The following PIP5K1C variants were observed in gnomAD, a reference collection of about 807,000 sequenced individuals.
PIP5K1C encodes the protein phosphatidylinositol-4-phosphate 5-kinase type 1 gamma.
A neutral mutation model predicts 80.1 loss-of-function variants in PIP5K1C; 45 were observed. That is an observed-to-expected ratio of 0.56 (90% CI 0.44 to 0.72). The LOEUF is 0.72. PIP5K1C is among the 30% of genes least tolerant of loss of function. The probability of loss-of-function intolerance (pLI) is 0.00; values close to 1 mark genes in which losing one functional copy is unlikely to be tolerated. For missense variants in PIP5K1C, 753 were observed against 954.6 expected (o/e 0.79, Z 2.78); for synonymous variants, 498 against 420.1 (o/e 1.19, Z -2.27).
intron 6 of PIP5K1C, among the ~76,000 whole-genome samples, chr19:3,655,446 G>A (rs2034590450): frequency 1.3e-5 from 2 of 152,324 alleles, no homozygotes; most frequent in African/African-American, 4.8e-5. Context: ...TAAAAAAGTG[G>A]AGAAATAGAA....
chr19:3,638,198 G>C lies in PIP5K1C; in HGVS notation c.1920+686C>G, dbSNP rs1599923491. ...CTGCCTGATCTGAGTGGGACCACTG[G>C]GGAGTGGAGACGCTGCCTGGACATT... On this transcript the variant is annotated intron_variant, in intron 16 of 17. Transcript: ENST00000335312. 3.3e-5 allele frequency among the ~76,000 whole-genome samples: 5 copies of C among 152,182 alleles called. No individual in the cohort carries two copies. The South Asian group carries it at 8.3e-4, about 25-fold the overall frequency.
At position 3,631,800 on chromosome 19, in the gene PIP5K1C, A is replaced by T. The variant is rs2033479946; in HGVS notation, c.*1367T>A. 6.6e-6 allele frequency: 1 copy of T among 152,218 alleles called. No individual in the cohort carries two copies. The highest frequency in any genetic ancestry group is 2.1e-4 in the South Asian group (1 of 4,836). 9.4% of individuals were successfully genotyped at this position (152,218 alleles called of 1,614,324 possible). On this transcript the variant is annotated 3_prime_UTR_variant, in exon 18 of 18. Transcript: ENST00000335312. ...GACAAAACACAGAGCCCTGCCTGGG[A>T]GGTTCTCCGGCCGTCTCAGACCCCA...
intron 16 of PIP5K1C, among the ~76,000 whole-genome samples, chr19:3,634,434 C>T (rs1043541641): frequency 9.9e-5 from 15 of 152,178 alleles, no homozygotes; most frequent in African/African-American, 2.4e-4. Flanking sequence ...ACGCCCCTCC[C>T]GGCACAGATG....
At chr19:3,645,373 G>A (rs1234464752) in intron 11 of PIP5K1C, among the ~76,000 whole-genome samples, 3 of 152,218 alleles carry the variant, frequency 2.0e-5, no homozygotes, top group Admixed American at 2.0e-4. Context: ...GTCTGCACAG[G>A]GGCCTGGAAC....
chr19:3,684,265 T>C (rs914022399), intron 1 of PIP5K1C, among the ~76,000 whole-genome samples: 1 of 152,122 alleles, frequency 6.6e-6, no homozygotes, highest in African/African-American at 2.4e-5. Flanking sequence ...GATGAGCTCA[T>C]TGCCGCCCCC....
At chr19:3,652,222 G>A (rs751717523) in intron 7 of PIP5K1C, among the ~76,000 whole-genome samples, 191 bp from the exon 8 acceptor site, 8 of 152,226 alleles carry the variant, frequency 5.3e-5, no homozygotes, top group South Asian at 2.1e-4. Context: ...GTCACACAGC[G>A]GCATCAGAGC....
intron 2 of PIP5K1C, among the ~76,000 whole-genome samples, chr19:3,666,446 T>A (rs1369354304): frequency 1.3e-5 from 2 of 152,212 alleles, no homozygotes; most frequent in East Asian, 3.9e-4. Context: ...ACAGGACCCA[T>A]GTACATGCAG....
chr19:3,647,453 G>A, intron 9 of PIP5K1C, 67 bp from the exon 10 acceptor site: 1 of 1,332,926 alleles, frequency 7.5e-7, no homozygotes, highest in Admixed American at 2.0e-5. Context: ...CCTCACTCAG[G>A]GGCCACTGTG....
chr19:3,667,721 C>A (rs529221421), intron 1 of PIP5K1C, among the ~76,000 whole-genome samples: 1 of 152,312 alleles, frequency 6.6e-6, no homozygotes, highest in East Asian at 1.9e-4. Context: ...CAAACCTCCC[C>A]CGGCTCTGAC....
rs754039027 is a variant in PIP5K1C, at chr19:3,633,141, G to A, written c.*26C>T. ...GCAGCCGGAGCAGAAGTGGAGCTCG[G>A]CTCTGGGTCGGGGGCTGCATAGAAA... On this transcript the variant is annotated 3_prime_UTR_variant, in exon 18 of 18. Transcript: ENST00000335312. The A allele has an allele frequency of 2.5e-5, 19 of 761,544 alleles. No individual in the cohort carries two copies. Among genetic ancestry groups the A allele is most frequent in the Non-Finnish European group, 1.7e-5 (7 of 409,628 alleles). The allele number at this position is 761,544 out of a possible 1,614,324, so 47.2% of individuals were successfully genotyped here.
chr19:3,643,123 CACCGT>C, intron 13 of PIP5K1C, 115 bp downstream of exon 13: 2 of 1,486,416 alleles, frequency 1.3e-6, no homozygotes, highest in Non-Finnish European at 1.9e-6. Context: ...TATGTACATC[CACCGT>C]ACATACGATG....
Position 3,688,958 on chromosome 19 carries a change from T to TG in PIP5K1C, c.94+11338dup, listed in dbSNP as rs146903876. Among the ~76,000 whole-genome samples, 19,453 of 146,020 alleles carry TG rather than the reference T, an allele frequency of 0.13. 1,785 individuals are homozygous for TG. Among genetic ancestry groups the TG allele is most frequent in the East Asian group, 0.29 (1,393 of 4,788 alleles). ...GAGTGCCCGGGATGGGGCTGGGGGG[T>TG]GGGGGGGGCTTGGCGCACGCGGCCT... On this transcript the variant is annotated intron_variant, in intron 1 of 17. Transcript: ENST00000335312. The surrounding 1 kb of genome is among the most constrained non-coding windows in gnomAD (Gnocchi z 5.3).
At chr19:3,658,178 G>A (rs575114215) in intron 5 of PIP5K1C, among the ~76,000 whole-genome samples, 133 of 152,334 alleles carry the variant, frequency 8.7e-4, no homozygotes, top group Non-Finnish European at 1.7e-3. Context: ...CCAGGGAACG[G>A]CGCCATCAGT....
chr19:3,662,885 A>G (rs145021486), intron 3 of PIP5K1C, among the ~76,000 whole-genome samples: 1,584 of 152,020 alleles, frequency 0.01, 16 homozygotes, highest in South Asian at 0.027. Context: ...TTTTTGAGAC[A>G]GAGTCTTGCT....
chr19:3,646,887 C>T (rs540494507), intron 10 of PIP5K1C, among the ~76,000 whole-genome samples: 1 of 151,340 alleles, frequency 6.6e-6, no homozygotes, highest in Non-Finnish European at 1.5e-5. Context: ...AAGGCTGGGA[C>T]GACAGACAGG....
At position 3,637,110 on chromosome 19, in the gene PIP5K1C, G is replaced by A; in HGVS notation, c.1920+1774C>T. ...CAGAGCCCGGCCCTGCAGCCACTCT[G>A]CTGACCTGTGCAACCTCCCCTGTGC... On this transcript the variant is annotated intron_variant, in intron 16 of 17. Coordinates refer to ENST00000335312, the MANE Select transcript of PIP5K1C (RefSeq NM_012398.3). The surrounding 1 kb of genome is among the most constrained non-coding windows in gnomAD (Gnocchi z 7.0). 7.5e-7 allele frequency: 1 copy of A among 1,342,106 alleles called. No individual in the cohort carries two copies. Among genetic ancestry groups the A allele is most frequent in the Non-Finnish European group, 9.6e-7 (1 of 1,042,762 alleles). 83.1% of individuals were successfully genotyped at this position (1,342,106 alleles called of 1,614,324 possible).
intron 1 of PIP5K1C, among the ~76,000 whole-genome samples, chr19:3,680,991 G>C (rs1172529631): frequency 6.6e-6 from 1 of 152,192 alleles, no homozygotes; most frequent in African/African-American, 2.4e-5. Flanking sequence ...CCCTACCCCA[G>C]AGAAAGATCA....
In PIP5K1C at chr19:3,664,876, C is replaced by G. The variant is rs958845534; in HGVS notation, c.165G>C (p.Gly55=). 6.2e-7 allele frequency: 1 copy of G among 1,613,308 alleles called. No individual in the cohort carries two copies. The highest frequency in any genetic ancestry group is 1.1e-5 in the South Asian group (1 of 91,084). The stretch of plus-strand genomic sequence containing the variant: ...CCACACCTCGATGGCCCAACTTCTT[C>G]CCATGGCCAGGGCCCGGCTGTGCCG... ...SMTAQPGPGH[G]KKLGHRGVDA... Residue 55 remains glycine, a synonymous_variant, in exon 3 of 18, where the codon GGG becomes GGC. Transcript: ENST00000335312.
intron 1 of PIP5K1C, among the ~76,000 whole-genome samples, chr19:3,678,105 A>C (rs1467757369): frequency 9.4e-6 from 1 of 106,660 alleles, no homozygotes; most frequent in African/African-American, 3.7e-5. Context: ...GGGAGGGAGA[A>C]TGGAGGGATG....
Sources: allele counts gnomAD v4.1 joint callset (sites outside exome capture counted in the v4.1 genomes callset), GRCh38; gene constraint gnomAD v4.1.1; non-coding constraint Gnocchi (gnomAD v3.1); transcripts MANE v1.5; gene names NCBI Gene and HGNC (gene_info 2026-07-23, HGNC 2026-07-21).